The following HELLS variants were observed in gnomAD, a reference collection of about 807,000 sequenced individuals.
The protein encoded by HELLS is helicase, lymphoid specific, also known as lymphoid-specific helicase.
A neutral mutation model predicts 120.0 loss-of-function variants in HELLS; 32 were observed. The observed-to-expected ratio is 0.27, with a 90% CI of 0.20 to 0.36. The LOEUF is 0.36. Among genes scored for constraint, HELLS ranks in the 10% least tolerant of loss-of-function variants. The pLI, the probability that HELLS is intolerant of heterozygous loss-of-function variation, is 1.00. For synonymous variants in HELLS, 341 were observed against 323.4 expected, an observed-to-expected ratio of 1.05 and a Z score of -0.58; for missense variants, 650 against 993.4, an observed-to-expected ratio of 0.65 and a Z score of 4.65.
chr10:94,555,602 TC>T (rs1387833679), intron 3 of HELLS, among the ~76,000 whole-genome samples: 3 of 152,164 alleles, frequency 2.0e-5, no homozygotes, highest in African/African-American at 7.2e-5. Context: ...TCTCTGGTGT[TC>T]CTCTGAATAT....
In HELLS at chr10:94,581,439, T is replaced by C; in HGVS notation, c.1146T>C (p.Thr382=). The change falls in exon 11 of 22, where the codon ACT becomes ACC. Residue 382 remains threonine, a synonymous_variant. Transcript: ENST00000348459. The part of the protein sequence containing the change: ...RFNADNKLLL[T]GTPLQNNLSE... Reference sequence around the variant, plus strand: ...ATGCTGATAACAAACTTCTTTTGACTGGTACTCCCTTGCAAAACAATTTAT... The same window carrying C: ...ATGCTGATAACAAACTTCTTTTGACCGGTACTCCCTTGCAAAACAATTTAT... 1 of 1,613,118 alleles carries C rather than the reference T, an allele frequency of 6.2e-7. No homozygotes were observed. The highest frequency in any genetic ancestry group is 8.5e-7 in the Non-Finnish European group (1 of 1,179,404).
Position 94,599,067 on chromosome 10 carries a change from A to G in HELLS, c.2422+1956A>G, listed in dbSNP as rs990203216. Among the ~76,000 whole-genome samples, 3 of 152,136 alleles carry G rather than the reference A, an allele frequency of 2.0e-5. No individual in the cohort carries two copies. In the South Asian group the frequency reaches 6.2e-4, roughly 31 times the overall value. ...GCACTGATTTAATTAAGGTAGCTTTATGGGAAGTGTACTTTCTCTAGTTTT... is the reference window on the plus strand; with the variant it reads ...GCACTGATTTAATTAAGGTAGCTTTGTGGGAAGTGTACTTTCTCTAGTTTT... On this transcript the variant is annotated intron_variant, in intron 21 of 21. Coordinates refer to ENST00000348459, the MANE Select transcript of HELLS (RefSeq NM_018063.5).
intron 2 of HELLS, 47 bp from the exon 3 acceptor site, chr10:94,554,079 G>A (rs1843119702): frequency 6.8e-7 from 1 of 1,463,454 alleles, no homozygotes; most frequent in Non-Finnish European, 9.1e-7. Flanking sequence ...AAAAATTAAG[G>A]TATGTCAGAA....
intron 2 of HELLS, 45 bp downstream of exon 2, chr10:94,546,543 C>T (rs1565007922): frequency 5.0e-6 from 8 of 1,610,900 alleles, no homozygotes; most frequent in African/African-American, 1.3e-5. Context: ...CTGTGGTAAC[C>T]TCGGCTTTAA....
Position 94,597,080 on chromosome 10 carries a change from A to G in HELLS, c.2391A>G (p.Leu797=), listed in dbSNP as rs1305003895. The change falls in exon 21 of 22, where the codon CTA becomes CTG. Residue 797 remains leucine, a synonymous_variant. Transcript: ENST00000348459. The part of the protein sequence containing the change: ...SREKVISDKD[L]ELLLDRSDLI... Reference sequence around the variant, plus strand: ...AGAAGGTCATTAGTGATAAAGATCTAGAGTTGTTGTTAGATCGAAGTGATC... The same window carrying G: ...AGAAGGTCATTAGTGATAAAGATCTGGAGTTGTTGTTAGATCGAAGTGATC... The G allele has an allele frequency of 1.3e-6, 2 of 1,599,898 alleles. No homozygotes were observed. Among genetic ancestry groups the G allele is most frequent in the Admixed American group, 1.7e-5 (1 of 59,782 alleles).
intron 21 of HELLS, among the ~76,000 whole-genome samples, chr10:94,599,114 A>C (rs937136441): frequency 6.6e-6 from 1 of 152,106 alleles, no homozygotes; most frequent in African/African-American, 2.4e-5. Flanking sequence ...AAATTGTTTT[A>C]GATATTCTGG....
At chr10:94,587,857 T>A (rs1193580074) in intron 12 of HELLS, among the ~76,000 whole-genome samples, 2 of 152,254 alleles carry the variant, frequency 1.3e-5, no homozygotes, top group Admixed American at 1.3e-4. Context: ...CAAATATTTT[T>A]AATTTTTATT....
At chr10:94,551,884 C>T (rs1025536788) in intron 2 of HELLS, among the ~76,000 whole-genome samples, 6 of 151,906 alleles carry the variant, frequency 3.9e-5, no homozygotes, top group Non-Finnish European at 8.8e-5. Flanking sequence ...GGACTACAGG[C>T]GCCTGCAACC....
chr10:94,580,736 A>C (rs1435119695), intron 10 of HELLS, among the ~76,000 whole-genome samples: 1 of 152,040 alleles, frequency 6.6e-6, no homozygotes, highest in Non-Finnish European at 1.5e-5. Flanking sequence ...ATTGTTATTT[A>C]TATTTCCAGA....
At chr10:94,597,212 A>G (rs1376440230) in intron 21 of HELLS, 101 bp downstream of exon 21, 1 of 619,058 alleles carries the variant, frequency 1.6e-6, no homozygotes, top group Non-Finnish European at 2.8e-6. Context: ...CATGTATCCA[A>G]TCTTGTTTTA....
At chr10:94,583,728 A>T (rs1166484884) in intron 12 of HELLS, among the ~76,000 whole-genome samples, 1 of 152,144 alleles carries the variant, frequency 6.6e-6, no homozygotes, top group Admixed American at 6.5e-5. Flanking sequence ...TGTTTTATCT[A>T]TATTTTATGA....
Position 94,581,127 on chromosome 10 carries a change from A to G in HELLS, c.1033-199A>G, listed in dbSNP as rs144511929. On this transcript the variant is annotated intron_variant, in intron 10 of 21. Transcript: ENST00000348459. ...TTGCATATTTTAGTAGGTCTCTTCC[A>G]GGAACAGAAATATCTATCAGTTTTA... Among the ~76,000 whole-genome samples the G allele has an allele frequency of 5.7e-4, 87 of 152,330 alleles. No individual in the cohort carries two copies. The East Asian group carries it at 0.014, about 24-fold the overall frequency.
chr10:94,581,448 C>T lies in HELLS; in HGVS notation c.1155C>T (p.Pro385=). ...ADNKLLLTGT[P]LQNNLSELWS... is the part of the protein sequence containing the mutation. The stretch of plus-strand genomic sequence containing the variant: ...ACAAACTTCTTTTGACTGGTACTCC[C>T]TTGCAAAACAATTTATCAGAACTTT... Residue 385 remains proline, a synonymous_variant, in exon 11 of 22, where the codon CCC becomes CCT. Transcript: ENST00000348459. 3.1e-6 allele frequency: 5 copies of T among 1,612,996 alleles called. No individual in the cohort carries two copies. The highest frequency in any genetic ancestry group is 1.7e-5 in the Admixed American group (1 of 59,820).
intron 21 of HELLS, among the ~76,000 whole-genome samples, chr10:94,599,564 T>C (rs1190187867): frequency 2.0e-5 from 3 of 152,120 alleles, no homozygotes; most frequent in African/African-American, 7.2e-5. Context: ...GCCATGTTGC[T>C]CAAGCTGGTC....
chr10:94,555,659 T>C (rs763514002), intron 3 of HELLS, among the ~76,000 whole-genome samples: 7 of 152,182 alleles, frequency 4.6e-5, no homozygotes, highest in Non-Finnish European at 1.0e-4. Context: ...AGACAGAGTC[T>C]TACTCTGTTG....
At position 94,601,639 on chromosome 10, in the gene HELLS, A is replaced by T. The variant is rs2134139240; in HGVS notation, c.*17A>T. ...TTGTTTTAAAGTGGAGCTCAAGAAT[A>T]GCTTTTAAAAGTTCTTATTTACATC... is the stretch of plus-strand genomic sequence containing the variant. On this transcript the variant is annotated 3_prime_UTR_variant, in exon 22 of 22. Transcript: ENST00000348459. The T allele has an allele frequency of 7.6e-7, 1 of 1,313,672 alleles. No individual in the cohort carries two copies. The highest frequency in any genetic ancestry group is 1.1e-6 in the Non-Finnish European group (1 of 927,410). 81.4% of individuals were successfully genotyped at this position (1,313,672 alleles called of 1,614,324 possible).
At chr10:94,570,817 G>A (rs1472892237) in intron 6 of HELLS, 1 of 151,958 alleles carries the variant, frequency 6.6e-6, no homozygotes, top group East Asian at 1.9e-4. Context: ...ATCCACAGAG[G>A]CCTAAAGTGG....
intron 11 of HELLS, among the ~76,000 whole-genome samples, chr10:94,582,099 G>T: frequency 6.6e-6 from 1 of 152,298 alleles, no homozygotes; most frequent in South Asian, 2.1e-4. Context: ...ATTTAAAACT[G>T]ATTACAACGG....
intron 2 of HELLS, among the ~76,000 whole-genome samples, 176 bp downstream of exon 2, chr10:94,546,674 T>G (rs989138617): frequency 2.5e-4 from 38 of 152,216 alleles, no homozygotes; most frequent in African/African-American, 8.9e-4. Flanking sequence ...TGAGAATCCT[T>G]TCGCAAGTGC....
Sources: allele counts gnomAD v4.1 joint callset (sites outside exome capture counted in the v4.1 genomes callset), GRCh38; gene constraint gnomAD v4.1.1; transcripts MANE v1.5; gene names NCBI Gene and HGNC (gene_info 2026-07-23, HGNC 2026-07-21).